TOMM34: variants seen among roughly 807,000 people sequenced by gnomAD.
TOMM34 encodes the protein translocase of outer mitochondrial membrane 34, also known as mitochondrial import receptor subunit TOM34.
TOMM34 carries 24 observed loss-of-function variants against 37.4 expected under a neutral mutation model. The observed-to-expected ratio is 0.64, with a 90% CI of 0.46 to 0.90. The LOEUF (loss-of-function observed/expected upper bound fraction) is 0.90, where lower values mean the gene tolerates loss of function less well. Among genes scored for constraint, TOMM34 ranks in the 40% least tolerant of loss-of-function variants. TOMM34 has a pLI of 0.00. For missense variants in TOMM34, 304 were observed against 375.6 expected, an observed-to-expected ratio of 0.81 and a Z score of 1.58; for synonymous variants, 154 against 148.9, an observed-to-expected ratio of 1.03 and a Z score of -0.25.
intron 4 of TOMM34, among the ~76,000 whole-genome samples, chr20:44,949,478 G>GC (rs1480841734): frequency 6.6e-6 from 1 of 152,206 alleles, no homozygotes; most frequent in Admixed American, 6.5e-5. Flanking sequence ...AACACATGCA[G>GC]CTCTGCTCCA....
In TOMM34 at chr20:44,943,453, C is replaced by A; in HGVS notation, c.825G>T (p.Lys275Asn). The change falls in exon 6 of 7, where the codon AAG becomes AAT. Residue 275 changes from lysine to asparagine, a missense_variant and splice_region_variant. By Grantham distance (94) the Lys-to-Asn change is moderately conservative. Coordinates refer to ENST00000372813, the MANE Select transcript of TOMM34 (RefSeq NM_006809.5). ...CCTTTTGGCCAGGATTTTTTTTTAC[C>A]TTGAGTGCTTTGTGGGCTTGAGCCC... ...YRRAQAHKALKDYKSSFADIS... is the reference protein window; with the variant it reads ...YRRAQAHKALNDYKSSFADIS... 1 of 1,613,668 alleles carries A rather than the reference C, an allele frequency of 6.2e-7. No individual in the cohort carries two copies. Among genetic ancestry groups the A allele is most frequent in the East Asian group, 2.2e-5 (1 of 44,872 alleles).
intron 5 of TOMM34, among the ~76,000 whole-genome samples, chr20:44,945,874 TG>T (rs1160012290): frequency 6.6e-6 from 1 of 152,144 alleles, no homozygotes; most frequent in Non-Finnish European, 1.5e-5. Context: ...TTTTTTTTTT[TG>T]GAGACAGGGT....
Position 44,956,497 on chromosome 20 carries a change from G to A in TOMM34, c.128-12C>T. 6.2e-7 allele frequency: 1 copy of A among 1,613,834 alleles called. No individual in the cohort carries two copies. The highest frequency in any genetic ancestry group is 1.3e-5 in the African/African-American group (1 of 75,040). ...TGGGTCTGAAGAACCTGCCCAGATA[G>A]AGTGGGGAAGATGATCAGTTTGGAA... is the stretch of plus-strand genomic sequence containing the variant. On this transcript the variant is annotated splice_polypyrimidine_tract_variant and intron_variant, in intron 1 of 6. Coordinates refer to ENST00000372813, the MANE Select transcript of TOMM34 (RefSeq NM_006809.5).
chr20:44,945,156 C>T (rs1345465848), intron 5 of TOMM34, among the ~76,000 whole-genome samples: 4 of 152,280 alleles, frequency 2.6e-5, no homozygotes, highest in Middle Eastern at 3.4e-3. Context: ...TCTCTTTGCC[C>T]CAGACTTTAT....
intron 5 of TOMM34, among the ~76,000 whole-genome samples, chr20:44,947,396 C>T (rs373081637): frequency 6.6e-6 from 1 of 152,238 alleles, no homozygotes; most frequent in African/African-American, 2.4e-5. Flanking sequence ...ATGGAATTTT[C>T]AAGTTTCACT....
Position 44,956,530 on chromosome 20 carries a change from G to A in TOMM34, c.128-45C>T, listed in dbSNP as rs2067074905. ...AAGATGATCAGTTTGGAAAATGGGT[G>A]CCTCAGGGCATTAGGATACATTTCA... On this transcript the variant is annotated intron_variant, in intron 1 of 6. Transcript: ENST00000372813. The A allele has an allele frequency of 3.2e-6, 5 of 1,585,980 alleles. No individual in the cohort carries two copies. The East Asian group carries it at 1.1e-4, about 35-fold the overall frequency.
chr20:44,943,141 A>G lies in TOMM34; in HGVS notation c.898T>C (p.Leu300=). Residue 300 remains leucine (L), a synonymous_variant, in exon 7 of 7, where the codon TTG becomes CTG. Coordinates refer to ENST00000372813, the MANE Select transcript of TOMM34 (RefSeq NM_006809.5). ...IEPRNGPAQK[L]RQEVKQNLH is the part of the protein sequence containing the mutation. Reference sequence around the variant, plus strand: ...AGGTTCTGCTTCACTTCCTGCCGCAACTTCTGTGCAGGACCATTCCTAGGC... The same window carrying G: ...AGGTTCTGCTTCACTTCCTGCCGCAGCTTCTGTGCAGGACCATTCCTAGGC... 3 of 1,614,106 alleles carry G rather than the reference A, an allele frequency of 1.9e-6. No individual in the cohort carries two copies. Among genetic ancestry groups the G allele is most frequent in the Non-Finnish European group, 2.5e-6 (3 of 1,180,010 alleles).
intron 4 of TOMM34, among the ~76,000 whole-genome samples, chr20:44,950,052 T>C (rs989901776): frequency 2.0e-5 from 3 of 152,222 alleles, no homozygotes; most frequent in African/African-American, 7.2e-5. Context: ...ATCTGGGTTA[T>C]CTCCAGTTGT....
At chr20:44,954,940 T>A in intron 3 of TOMM34, 128 bp downstream of exon 3, 1 of 1,194,258 alleles carries the variant, frequency 8.4e-7, no homozygotes, top group South Asian at 1.7e-5. Context: ...TTCCCCTACA[T>A]GCCCATCGGG....
chr20:44,953,710 C>G (rs2067046362), intron 3 of TOMM34, among the ~76,000 whole-genome samples: 1 of 152,160 alleles, frequency 6.6e-6, no homozygotes, highest in South Asian at 2.1e-4. Context: ...TCTCGATACC[C>G]CGCAACCACT....
intron 4 of TOMM34, among the ~76,000 whole-genome samples, chr20:44,949,455 T>G (rs527399222): frequency 4.6e-5 from 7 of 152,252 alleles, no homozygotes; most frequent in African/African-American, 1.7e-4. Flanking sequence ...CCTGTGAGTA[T>G]CCTCCCTCAT....
At chr20:44,954,981 TCAG>T in intron 3 of TOMM34, 84 bp downstream of exon 3, 8 of 1,519,222 alleles carry the variant, frequency 5.3e-6, no homozygotes, top group Non-Finnish European at 7.1e-6. Context: ...AGGGATCCCC[TCAG>T]AAGACAGACA....
intron 3 of TOMM34, chr20:44,952,663 C>T: frequency 1.4e-6 from 1 of 717,466 alleles, no homozygotes; most frequent in Non-Finnish European, 2.6e-6. Context: ...AAAATGCCAC[C>T]CAGAGACCAA....
intron 1 of TOMM34, chr20:44,958,645 A>G (rs1344275692): frequency 5.8e-6 from 1 of 172,756 alleles, no homozygotes; most frequent in Non-Finnish European, 1.3e-5. Context: ...CTTGCCCAAA[A>G]TTACCTAGGA....
rs2067060134 is a variant in TOMM34, at chr20:44,955,118, A to G, written c.330T>C (p.Thr110=). The G allele has an allele frequency of 1.2e-6, 2 of 1,614,194 alleles. No homozygotes were observed. The highest frequency in any genetic ancestry group is 1.7e-6 in the Non-Finnish European group (2 of 1,180,024). ...KYPMAYVDYK[T]VLQIDDNVTS... is the part of the protein sequence containing the mutation. Reference sequence around the variant, plus strand: ...TCACATTATCATCAATCTGCAGCACAGTCTTATAGTCAACATAGGCCATAG... The same window carrying G: ...TCACATTATCATCAATCTGCAGCACGGTCTTATAGTCAACATAGGCCATAG... The change falls in exon 3 of 7, where the codon ACT becomes ACC. Residue 110 remains threonine, a synonymous_variant. Coordinates refer to ENST00000372813, the MANE Select transcript of TOMM34 (RefSeq NM_006809.5).
chr20:44,945,845 T>G (rs987991768), intron 5 of TOMM34, among the ~76,000 whole-genome samples: 2 of 152,190 alleles, frequency 1.3e-5, no homozygotes, highest in South Asian at 4.1e-4. Flanking sequence ...GTTTTAAACT[T>G]TGAACACAGA....
At chr20:44,959,070 G>T (rs181840514) in intron 1 of TOMM34, 1 of 151,960 alleles carries the variant, frequency 6.6e-6, no homozygotes, top group African/African-American at 2.4e-5. Flanking sequence ...ATGTAACCCC[G>T]AGGGAGCCAA....
At chr20:44,955,737 G>T in intron 2 of TOMM34, 1 of 425,956 alleles carries the variant, frequency 2.3e-6, no homozygotes, top group Non-Finnish European at 4.7e-6. Context: ...CACAAGGCAT[G>T]GCACAAATTA....
At chr20:44,948,984 C>T (rs929781979) in intron 4 of TOMM34, 107 bp from the exon 5 acceptor site, 1 of 1,352,358 alleles carries the variant, frequency 7.4e-7, no homozygotes. Flanking sequence ...ATCCTCTCTC[C>T]CAGAGATTTC....
Sources: gnomAD v4.1 joint callset for allele counts (sites outside exome capture counted in the v4.1 genomes callset) on GRCh38, gnomAD v4.1.1 for gene constraint, MANE v1.5 for transcripts, NCBI Gene and HGNC (gene_info 2026-07-23, HGNC 2026-07-21) for gene names.